The following HTRA3 variants were observed in gnomAD, a reference collection of about 807,000 sequenced individuals.
HTRA3 encodes serine protease HTRA3.
A neutral mutation model predicts 43.2 loss-of-function variants in HTRA3; 41 were observed. The ratio of observed to expected loss-of-function variants is 0.95; its 90% CI spans 0.74 to 1.23. The LOEUF is 1.23. Ranked by LOEUF, HTRA3 falls within the 50% of genes most tolerant of loss-of-function variation. HTRA3 has a pLI of 0.00. For missense variants in HTRA3, 628 were observed against 647.1 expected, an observed-to-expected ratio of 0.97 and a Z score of 0.32; for synonymous variants, 295 against 287.9, an observed-to-expected ratio of 1.02 and a Z score of -0.25.
Position 8,292,473 on chromosome 4 carries a change from C to A in HTRA3, c.936+120C>A, listed in dbSNP as rs558744259. 2.2e-3 allele frequency: 1,840 copies of A among 846,600 alleles called. 7 individuals carry two copies. The highest frequency in any genetic ancestry group is 3.3e-3 in the South Asian group (194 of 58,088). 52.4% of individuals were successfully genotyped at this position (846,600 alleles called of 1,614,324 possible). ...GTCCTAGAACATTTACACCAACAGT[C>A]GGGAGTGCAGCTGGGCCGGAGGCCT... On this transcript the variant is annotated intron_variant, in intron 5 of 8. Coordinates refer to ENST00000307358, the MANE Select transcript of HTRA3 (RefSeq NM_053044.5).
rs1254456425 is a variant in HTRA3, at chr4:8,269,833, C to A, written c.-136C>A. The A allele has an allele frequency of 8.2e-6, 2 of 244,594 alleles. No homozygotes were observed. Among genetic ancestry groups the A allele is most frequent in the East Asian group, 1.7e-4 (1 of 5,732 alleles). The allele number at this position is 244,594 out of a possible 1,614,324, so 15.2% of individuals were successfully genotyped here. ...CCGCCCTGACGCCCGCCAGCCTGAG[C>A]CACCGGCGCATGTGACCGCGCGTCC... On this transcript the variant is annotated 5_prime_UTR_variant, in exon 1 of 9. Transcript: ENST00000307358.
chr4:8,304,382 T>A, intron 8 of HTRA3, 103 bp downstream of exon 8: 1 of 869,380 alleles, frequency 1.2e-6, no homozygotes, highest in Admixed American at 2.3e-5. Flanking sequence ...CCCAGCAAAG[T>A]GACCGGGAAG....
At position 8,305,995 on chromosome 4, in the gene HTRA3, C is replaced by A; in HGVS notation, c.1221C>A (p.Ile407=). The change falls in exon 9 of 9, where the codon ATC becomes ATA. Residue 407 remains isoleucine, a synonymous_variant. Transcript: ENST00000307358. ...GAGGCGGCATCCAAGATGGTGACAT[C>A]ATCGTCAAGGTCAACGGGCGTCCTC... is the stretch of plus-strand genomic sequence containing the variant. The part of the protein sequence containing the change: ...SQRGGIQDGD[I]IVKVNGRPLV... The A allele has an allele frequency of 6.2e-7, 1 of 1,611,954 alleles. No homozygotes were observed. Among genetic ancestry groups the A allele is most frequent in the Non-Finnish European group, 8.5e-7 (1 of 1,179,550 alleles).
intron 1 of HTRA3, among the ~76,000 whole-genome samples, chr4:8,274,129 G>A (rs890380162): frequency 1.1e-4 from 16 of 152,172 alleles, no homozygotes; most frequent in African/African-American, 3.6e-4. Flanking sequence ...CCTGCCACCT[G>A]GCCCGCATCA....
intron 1 of HTRA3, among the ~76,000 whole-genome samples, chr4:8,273,049 T>A (rs537162460): frequency 1.3e-5 from 2 of 152,328 alleles, no homozygotes; most frequent in East Asian, 3.9e-4. Flanking sequence ...AGCCTGGTCC[T>A]TTCCCAGGCA....
In HTRA3 at chr4:8,306,183, AG is replaced by A; in HGVS notation, c.*50del. The A allele has an allele frequency of 6.6e-7, 1 of 1,515,242 alleles. No individual in the cohort carries two copies. The highest frequency in any genetic ancestry group is 8.9e-7 in the Non-Finnish European group (1 of 1,126,900). The allele number at this position is 1,515,242 out of a possible 1,614,324, so 93.9% of individuals were successfully genotyped here. ...AAGCGTCAGAGCCTGCAGACAACGG[AG>A]GGCAGCGCCCCCCCGAGATCAGGAC... is the stretch of plus-strand genomic sequence containing the variant. On this transcript the variant is annotated 3_prime_UTR_variant, in exon 9 of 9. Transcript: ENST00000307358. This position sits in a 1 kb window ranked among gnomAD's most constrained non-coding sequence, Gnocchi z 8.9.
At chr4:8,270,651 T>C (rs930741558) in intron 1 of HTRA3, among the ~76,000 whole-genome samples, 17 of 152,218 alleles carry the variant, frequency 1.1e-4, no homozygotes, top group African/African-American at 3.9e-4. Context: ...TGATGTCTCG[T>C]GCCCATTCCC....
Position 8,271,440 on chromosome 4 carries a change from C to T in HTRA3, c.385+1087C>T, listed in dbSNP as rs1463539764. 1.3e-5 allele frequency among the ~76,000 whole-genome samples: 2 copies of T among 152,302 alleles called. 1 individual carries two copies. Among genetic ancestry groups the T allele is most frequent in the African/African-American group, 4.8e-5 (2 of 41,568 alleles). ...CTTTTCTGGCAGAACACGTGACCTC[C>T]TCCCAGCACGCTGGGGTTCCTGGGA... On this transcript the variant is annotated intron_variant, in intron 1 of 8. Coordinates refer to ENST00000307358, the MANE Select transcript of HTRA3 (RefSeq NM_053044.5).
In HTRA3 at chr4:8,286,235, G is replaced by A. The variant is rs1290128308; in HGVS notation, c.486-326G>A. ...GTCCTGGACTTGGGATTAGCATCCT[G>A]GTCTGTCTGGCTCCGTGCTCCGTAG... On this transcript the variant is annotated intron_variant, in intron 2 of 8. Transcript: ENST00000307358. The surrounding 1 kb of genome is among the most constrained non-coding windows in gnomAD (Gnocchi z 4.9). Among the ~76,000 whole-genome samples the A allele has an allele frequency of 6.6e-6, 1 of 152,196 alleles. No individual in the cohort carries two copies. The highest frequency in any genetic ancestry group is 2.4e-5 in the African/African-American group (1 of 41,452).
intron 2 of HTRA3, among the ~76,000 whole-genome samples, chr4:8,282,923 G>C (rs1339251821): frequency 2.6e-5 from 4 of 152,218 alleles, no homozygotes; most frequent in African/African-American, 4.8e-5. Flanking sequence ...AGGAGCAGAG[G>C]CATGGCAGGC....
At chr4:8,294,006 A>G (rs761265696) in intron 5 of HTRA3, 81 bp from the exon 6 acceptor site, 16 of 892,450 alleles carry the variant, frequency 1.8e-5, no homozygotes, top group Non-Finnish European at 2.7e-5. Context: ...CTCTAGAAAC[A>G]GAGCTGTGGA....
rs779069005 is a variant in HTRA3, at chr4:8,286,630, G to C, written c.555G>C (p.Leu185=). Residue 185 remains leucine (L), a synonymous_variant, in exon 3 of 9, where the codon CTG becomes CTC. Transcript: ENST00000307358. The surrounding 1 kb of genome is among the most constrained non-coding windows in gnomAD (Gnocchi z 4.9). The part of the protein sequence containing the change: ...GSGFIMSEAG[L]IITNAHVVSS... Reference sequence around the variant, plus strand: ...GCTTCATCATGTCAGAGGCCGGCCTGATCATCACCAATGCCCACGTGGTGT... The same window carrying C: ...GCTTCATCATGTCAGAGGCCGGCCTCATCATCACCAATGCCCACGTGGTGT... 7.4e-6 allele frequency: 12 copies of C among 1,614,212 alleles called. No homozygotes were observed. The highest frequency in any genetic ancestry group is 9.3e-6 in the Non-Finnish European group (11 of 1,180,038).
In HTRA3 at chr4:8,306,308, G is replaced by A; in HGVS notation, c.*172G>A. 1 of 626,908 alleles carries A rather than the reference G, an allele frequency of 1.6e-6. No homozygotes were observed. Among genetic ancestry groups the A allele is most frequent in the East Asian group, 3.0e-5 (1 of 33,078 alleles). 38.8% of individuals were successfully genotyped at this position (626,908 alleles called of 1,614,324 possible). A position where few individuals can be genotyped will look rare whatever the true frequency, so the allele number is the denominator to read the frequency against. ...TGGCCAGGGGCCCGAATTTCCGCCT[G>A]GGGAGTGTTGGATCCACATCCCGGT... On this transcript the variant is annotated 3_prime_UTR_variant, in exon 9 of 9. Coordinates refer to ENST00000307358, the MANE Select transcript of HTRA3 (RefSeq NM_053044.5). The surrounding 1 kb of genome is among the most constrained non-coding windows in gnomAD (Gnocchi z 8.9).
In HTRA3 at chr4:8,304,231, G is replaced by A; in HGVS notation, c.1148G>A (p.Ser383Asn). ...AGCAACCCGGACTTCCCAGAGGTCAGCAGTGGAATTTATGTGCAAGAGGTT... is the reference window on the plus strand; with the variant it reads ...AGCAACCCGGACTTCCCAGAGGTCAACAGTGGAATTTATGTGCAAGAGGTT... The part of the protein sequence containing the change: ...KASNPDFPEV[S>N]SGIYVQEVAP... Residue 383 changes from serine to asparagine, a missense_variant, in exon 8 of 9, where the codon AGC becomes AAC. Physicochemically the swap from Ser to Asn is conservative, Grantham distance 46. Transcript: ENST00000307358. 3 of 1,614,210 alleles carry A rather than the reference G, an allele frequency of 1.9e-6. No homozygotes were observed. Among genetic ancestry groups the A allele is most frequent in the Non-Finnish European group, 2.5e-6 (3 of 1,180,034 alleles).
chr4:8,277,034 G>T (rs1285763514), intron 1 of HTRA3, among the ~76,000 whole-genome samples: 1 of 152,220 alleles, frequency 6.6e-6, no homozygotes, highest in East Asian at 1.9e-4. Context: ...CCGTGGAGGG[G>T]GAGGCAGCGG....
chr4:8,296,591 A>T lies in HTRA3; in HGVS notation c.1051+2390A>T, dbSNP rs568026194. ...GTGCAGAGGCCTCTGAGGGGCTTTC[A>T]GGGTAAAGAGTGGCCACCATGCATG... On this transcript the variant is annotated intron_variant, in intron 6 of 8. Transcript: ENST00000307358. The surrounding 1 kb of genome is among the most constrained non-coding windows in gnomAD (Gnocchi z 5.3). The T allele has an allele frequency of 9.1e-4, 853 of 932,494 alleles. 1 individual carries two copies. The highest frequency in any genetic ancestry group is 1.0e-3 in the Non-Finnish European group (815 of 782,008). The allele number at this position is 932,494 out of a possible 1,614,324, so 57.8% of individuals were successfully genotyped here.
In HTRA3 at chr4:8,296,714, G is replaced by A. The variant is rs1713470427; in HGVS notation, c.1051+2513G>A. Among the ~76,000 whole-genome samples, 1 of 152,154 alleles carries A rather than the reference G, an allele frequency of 6.6e-6. No homozygotes were observed. Among genetic ancestry groups the A allele is most frequent in the Admixed American group, 6.5e-5 (1 of 15,290 alleles). ...TGGGGTGTTTGATTCATGGAGTGGG[G>A]CCGTTTGTGGGCATCTGCCCCTCTG... On this transcript the variant is annotated intron_variant, in intron 6 of 8. Transcript: ENST00000307358. This position sits in a 1 kb window ranked among gnomAD's most constrained non-coding sequence, Gnocchi z 5.3.
intron 6 of HTRA3, among the ~76,000 whole-genome samples, chr4:8,294,865 C>A (rs1018598322): frequency 6.9e-6 from 1 of 144,912 alleles, no homozygotes; most frequent in African/African-American, 2.5e-5. Flanking sequence ...ATCCATCCAT[C>A]CTATATCCAT....
intron 3 of HTRA3, among the ~76,000 whole-genome samples, chr4:8,288,389 T>C (rs568998297): frequency 1.5e-4 from 23 of 152,182 alleles, no homozygotes; most frequent in African/African-American, 5.5e-4. Context: ...TTCTCCTGCC[T>C]CAGCCCCCCG....
Sources: gnomAD v4.1 joint callset for allele counts (sites outside exome capture counted in the v4.1 genomes callset) on GRCh38, gnomAD v4.1.1 for gene constraint, Gnocchi (gnomAD v3.1) non-coding constraint, MANE v1.5 for transcripts, NCBI Gene and HGNC (gene_info 2026-07-23, HGNC 2026-07-21) for gene names.